The following MAGOHB variants were observed in gnomAD, a reference collection of about 807,000 sequenced individuals.
MAGOHB encodes mago homolog B, exon junction complex subunit.
A neutral mutation model predicts 20.9 loss-of-function variants in MAGOHB; 15 were observed. That is an observed-to-expected ratio of 0.72 (90% CI 0.48 to 1.11). MAGOHB has a LOEUF of 1.11. Among genes scored for constraint, MAGOHB ranks in the 50% least tolerant of loss-of-function variants. The probability of loss-of-function intolerance (pLI) is 0.00; values close to 1 mark genes in which losing one functional copy is unlikely to be tolerated. For synonymous variants in MAGOHB, 50 were observed against 57.9 expected (o/e 0.86, Z 0.62); for missense variants, 162 against 177.6 (o/e 0.91, Z 0.50).
chr12:10,612,889 T>C (rs1865773740), intron 1 of MAGOHB: 1 of 1,289,036 alleles, frequency 7.8e-7, no homozygotes, highest in Non-Finnish European at 1.0e-6. Flanking sequence ...TCGAGACTCA[T>C]CTCAAGAGTG....
At chr12:10,601,288 T>TATTTA (rs10646741), downstream of MAGOHB, among the ~76,000 whole-genome samples, 1 of 6,346 alleles carries the variant, frequency 1.6e-4, no homozygotes, top group African/African-American at 4.5e-4. Flanking sequence ...CATTGACAAG[T>TATTTA]ATTTTCGTCC....
chr12:10,610,575 TGCAAAAA>T (rs201435391), intron 2 of MAGOHB, 40 bp downstream of exon 2: 191,295 of 1,154,748 alleles, frequency 0.17, 9,212 homozygotes, highest in East Asian at 0.47. Flanking sequence ...ATGGGCTAAA[TGCAAAAA>T]AAAAAAAAAA....
chr12:10,603,458 G>A (rs1206261980), downstream of MAGOHB, among the ~76,000 whole-genome samples: 2 of 151,352 alleles, frequency 1.3e-5, no homozygotes, highest in African/African-American at 2.4e-5. Context: ...TCTAGTAATT[G>A]ATCAAACAGC....
At chr12:10,612,886 T>C in intron 1 of MAGOHB, 2 of 1,289,172 alleles carry the variant, frequency 1.6e-6, no homozygotes, top group Non-Finnish European at 2.0e-6. Flanking sequence ...ATTTCGAGAC[T>C]CATCTCAAGA....
downstream of MAGOHB, among the ~76,000 whole-genome samples, chr12:10,603,475 C>T (rs372113757): frequency 1.3e-5 from 2 of 152,206 alleles, no homozygotes; most frequent in East Asian, 3.9e-4. Flanking sequence ...CAGCAACCAT[C>T]CTTCCTCTTA....
At position 10,613,508 on chromosome 12, in the gene MAGOHB, G is replaced by A. The variant is rs779362098; in HGVS notation, c.25C>T (p.Leu9=). MAVASDFY[L]RYYVGHKGKF... ...CCCTTGTGCCCTACGTAGTAGCGCAGGTAGAAATCGCTAGCCACAGCCATT... is the reference window on the plus strand; with the variant it reads ...CCCTTGTGCCCTACGTAGTAGCGCAAGTAGAAATCGCTAGCCACAGCCATT... The change falls in exon 1 of 5, where the codon CTG becomes TTG. Residue 9 remains leucine (L), a synonymous_variant. Coordinates refer to ENST00000320756, the MANE Select transcript of MAGOHB (RefSeq NM_018048.5). 2.7e-5 allele frequency: 44 copies of A among 1,613,718 alleles called. No individual in the cohort carries two copies. In the South Asian group the frequency reaches 4.5e-4, roughly 17 times the overall value.
chr12:10,603,313 CAAAAAAAAAAAAAAA>C (rs11296285), downstream of MAGOHB, among the ~76,000 whole-genome samples: 108 of 75,126 alleles, frequency 1.4e-3, 1 homozygote, highest in Middle Eastern at 7.8e-3. Flanking sequence ...GACTCCGTCT[CAAAAAAAAAAAAAAA>C]AAAAAAAATC....
chr12:10,602,140 G>A (rs533542209), downstream of MAGOHB, among the ~76,000 whole-genome samples: 2 of 152,304 alleles, frequency 1.3e-5, no homozygotes, highest in East Asian at 3.9e-4. Flanking sequence ...TTCTCAGGAT[G>A]GAGACTAGAC....
At chr12:10,609,641 G>A (rs966709068) in intron 3 of MAGOHB, 190 bp downstream of exon 3, 21 of 571,884 alleles carry the variant, frequency 3.7e-5, no homozygotes, top group Non-Finnish European at 6.5e-5. Context: ...GCTATGCACT[G>A]ACTCCTTCAC....
intron 1 of MAGOHB, among the ~76,000 whole-genome samples, chr12:10,612,000 G>A (rs569732271): frequency 1.2e-4 from 18 of 152,108 alleles, no homozygotes; most frequent in African/African-American, 3.9e-4. Context: ...ATGAATTCAG[G>A]TAAATTTAGC....
Position 10,613,302 on chromosome 12 carries a change from C to T in MAGOHB, c.94+137G>A, listed in dbSNP as rs866989234. On this transcript the variant is annotated intron_variant, in intron 1 of 4. Transcript: ENST00000320756. ...AATTCTCTTTCATTTATAAAACCAA[C>T]TTATGCCTCCTCTATTCTTAAGCTC... 12 of 746,788 alleles carry T rather than the reference C, an allele frequency of 1.6e-5. No homozygotes were observed. The Middle Eastern group carries it at 7.2e-4, about 45-fold the overall frequency. The allele number at this position is 746,788 out of a possible 1,614,324, so 46.3% of individuals were successfully genotyped here.
chr12:10,601,790 A>G (rs956972242), downstream of MAGOHB, among the ~76,000 whole-genome samples: 2 of 152,262 alleles, frequency 1.3e-5, no homozygotes, highest in African/African-American at 2.4e-5. Flanking sequence ...CATAGGTTCA[A>G]TAAAAGTATC....
intron 3 of MAGOHB, chr12:10,608,667 T>G (rs772859370): frequency 1.1e-4 from 16 of 151,628 alleles, no homozygotes; most frequent in Non-Finnish European, 2.2e-4. Flanking sequence ...GTATAGATTT[T>G]TCCCTATATT....
chr12:10,606,557 T>C (rs1237353834), intron 4 of MAGOHB, among the ~76,000 whole-genome samples, 183 bp from the exon 5 acceptor site: 2 of 152,060 alleles, frequency 1.3e-5, no homozygotes, highest in African/African-American at 2.4e-5. Flanking sequence ...GAAAAAATAG[T>C]TTCTTCATCA....
At position 10,607,844 on chromosome 12, in the gene MAGOHB, A is replaced by T. The variant is rs115740958; in HGVS notation, c.347+10T>A. On this transcript the variant is annotated intron_variant, in intron 4 of 4. Coordinates refer to ENST00000320756, the MANE Select transcript of MAGOHB (RefSeq NM_018048.5). ...ATGAAAACTTCGCCAAAATGCTTTA[A>T]CATACTTACTTTGACTGATTTACAT... The T allele has an allele frequency of 5.0e-3, 7,538 of 1,516,672 alleles. 310 individuals are homozygous for T. The African/African-American group carries it at 0.09, about 18-fold the overall frequency. 94.0% of individuals were successfully genotyped at this position (1,516,672 alleles called of 1,614,324 possible). A position where few individuals can be genotyped will look rare whatever the true frequency, so the allele number is the denominator to read the frequency against.
chr12:10,612,825 G>C (rs1865771678), intron 1 of MAGOHB: 1 of 1,288,778 alleles, frequency 7.8e-7, no homozygotes, highest in Non-Finnish European at 1.0e-6. Flanking sequence ...CTCATCCTCT[G>C]CTCATACTGC....
chr12:10,612,736 G>A (rs1442805408), intron 1 of MAGOHB: 11 of 1,175,412 alleles, frequency 9.4e-6, no homozygotes, highest in Non-Finnish European at 1.2e-5. Context: ...TTGCAGGTAG[G>A]CAAGATCAAT....
In MAGOHB at chr12:10,609,854, G is replaced by A. The variant is rs762002632; in HGVS notation, c.241C>T (p.Pro81Ser). 2.5e-6 allele frequency: 4 copies of A among 1,611,096 alleles called. No homozygotes were observed. The highest frequency in any genetic ancestry group is 1.1e-5 in the South Asian group (1 of 90,746). Reference protein sequence around the residue: ...ITKEDDALWPPPDRVGRQELE... With the variant: ...ITKEDDALWPSPDRVGRQELE... ...ACCTGTCGGCCAACCCTATCAGGGG[G>A]AGGCCACAAAGCATCATCTTCTTTT... Residue 81 changes from proline to serine, a missense_variant, in exon 3 of 5, where the codon CCC becomes TCC. Pro to Ser is a moderately conservative substitution (Grantham distance 74, BLOSUM62 -1). Transcript: ENST00000320756.
At chr12:10,607,588 A>G (rs998326645) in intron 4 of MAGOHB, among the ~76,000 whole-genome samples, 2 of 152,228 alleles carry the variant, frequency 1.3e-5, no homozygotes, top group Admixed American at 6.5e-5. Context: ...CTGTATCCAC[A>G]TTTTTATACA....
Sources: allele counts gnomAD v4.1 joint callset (sites outside exome capture counted in the v4.1 genomes callset), GRCh38; gene constraint gnomAD v4.1.1; transcripts MANE v1.5; gene names NCBI Gene and HGNC (gene_info 2026-07-23, HGNC 2026-07-21).